DAB1: variants seen among roughly 807,000 people sequenced by gnomAD.
The protein encoded by DAB1 is disabled homolog 1.
A neutral mutation model predicts 64.6 loss-of-function variants in DAB1; 15 were observed. That is an observed-to-expected ratio of 0.23 (90% CI 0.16 to 0.36). The LOEUF (loss-of-function observed/expected upper bound fraction) is 0.36. Ranked by LOEUF, DAB1 falls within the 10% of genes least tolerant of loss-of-function variation. The pLI, the probability that DAB1 is intolerant of heterozygous loss-of-function variation, is 1.00. For missense variants in DAB1, 596 were observed against 706.7 expected, an observed-to-expected ratio of 0.84 and a Z score of 1.78; for synonymous variants, 235 against 251.9, an observed-to-expected ratio of 0.93 and a Z score of 0.64.
intron 7 of DAB1, among the ~76,000 whole-genome samples, chr1:57,480,141 A>G (rs1185681948): frequency 1.4e-5 from 2 of 144,780 alleles, no homozygotes; most frequent in African/African-American, 5.3e-5. Context: ...GACAGAGCGA[A>G]ACTCCGTCTC....
chr1:57,232,531 CT>C (rs1419934534), intron 2 of DAB1, among the ~76,000 whole-genome samples: 1 of 152,104 alleles, frequency 6.6e-6, no homozygotes, highest in Non-Finnish European at 1.5e-5. Flanking sequence ...CTCTAACACA[CT>C]TTTGAGCTCT....
At chr1:57,854,247 G>C (rs965463814) in intron 1 of DAB1, among the ~76,000 whole-genome samples, 1 of 152,054 alleles carries the variant, frequency 6.6e-6, no homozygotes, top group African/African-American at 2.4e-5. Context: ...TTTTAGCTCA[G>C]ATGAATAAAT....
At chr1:58,258,669 G>T (rs1416340) in intron 4 of DAB1, among the ~76,000 whole-genome samples, 17,862 of 152,262 alleles carry the variant, frequency 0.12, 1,286 homozygotes, top group Admixed American at 0.19. Context: ...AAAGACGAAG[G>T]TTTGGCAGTT....
Position 57,015,062 on chromosome 1 carries a change from T to C in DAB1, c.1265A>G (p.Gln422Arg). The C allele has an allele frequency of 1.9e-6, 3 of 1,614,182 alleles. No individual in the cohort carries two copies. The highest frequency in any genetic ancestry group is 2.5e-6 in the Non-Finnish European group (3 of 1,180,034). Residue 422 changes from glutamine (Q) to arginine (R), a missense_variant, in exon 12 of 15, where the codon CAG becomes CGG. Gln to Arg is a conservative substitution (Grantham distance 43, BLOSUM62 1). Coordinates refer to ENST00000371236, the MANE Select transcript of DAB1 (RefSeq NM_001365792.1). ...TTTGCGGGAGGGCACGGGCGGAGGC[T>C]GGGCCATCTGGAAATCCTTAAACGT... ...KETFKDFQMA[Q>R]PPPVPSRKPD... is the part of the protein sequence containing the mutation.
At chr1:58,131,877 C>T (rs1159555694) in intron 5 of DAB1, among the ~76,000 whole-genome samples, 2 of 150,098 alleles carry the variant, frequency 1.3e-5, no homozygotes, top group Non-Finnish European at 3.0e-5. Flanking sequence ...CAGACAGGGA[C>T]ATTTAAGTCT....
At chr1:57,910,399 G>C (rs1569972162) in intron 5 of DAB1, among the ~76,000 whole-genome samples, 2 of 152,206 alleles carry the variant, frequency 1.3e-5, no homozygotes, top group East Asian at 3.9e-4. Context: ...TTAATTATAG[G>C]TGTTTAGACG....
Position 57,562,083 on chromosome 1 carries a change from G to C in DAB1, n.625+87509C>G, listed in dbSNP as rs576494559. 2.6e-5 allele frequency among the ~76,000 whole-genome samples: 4 copies of C among 152,326 alleles called. No individual in the cohort carries two copies. The South Asian group carries it at 6.2e-4, about 24-fold the overall frequency. ...AGGCACTCACTTTATGGCAAAAGAA[G>C]TGTGGCAGGCCAGGTGCAGTGGCTC... On this transcript the variant is annotated intron_variant and non_coding_transcript_variant, in intron 7 of 20. Transcript: ENST00000485760.
At chr1:57,763,670 C>T (rs1359516973) in intron 6 of DAB1, among the ~76,000 whole-genome samples, 3 of 152,028 alleles carry the variant, frequency 2.0e-5, no homozygotes, top group Non-Finnish European at 4.4e-5. Flanking sequence ...AAAGCAAGAC[C>T]TTATCTCTTA....
chr1:58,219,025 C>CTCTCTCTCTCTCTGTG (rs376130413), intron 4 of DAB1, among the ~76,000 whole-genome samples: 1,321 of 129,484 alleles, frequency 0.01, 12 homozygotes, highest in African/African-American at 0.02. Flanking sequence ...CTCTCTCTCT[C>CTCTCTCTCTCTCTGTG]TGTGTGTGTG....
chr1:57,056,750 G>C (rs1459154672), intron 9 of DAB1, among the ~76,000 whole-genome samples: 1 of 151,982 alleles, frequency 6.6e-6, no homozygotes, highest in Non-Finnish European at 1.5e-5. Flanking sequence ...TGCAATCCCA[G>C]TTACTTGGGA....
At chr1:58,363,533 A>T (rs1644186625) in intron 3 of DAB1, among the ~76,000 whole-genome samples, 1 of 152,228 alleles carries the variant, frequency 6.6e-6, no homozygotes, top group Non-Finnish European at 1.5e-5. Context: ...AAGGAAGTTG[A>T]TCAGTGCGAG....
intron 7 of DAB1, among the ~76,000 whole-genome samples, chr1:57,465,395 T>C (rs1227400745): frequency 3.9e-5 from 6 of 152,220 alleles, no homozygotes; most frequent in African/African-American, 1.4e-4. Flanking sequence ...CCTTCTGTGG[T>C]AGCACATACA....
intron 12 of DAB1, among the ~76,000 whole-genome samples, chr1:57,013,380 G>A (rs774413984): frequency 3.3e-5 from 5 of 152,128 alleles, no homozygotes; most frequent in African/African-American, 1.2e-4. Flanking sequence ...AAAGAGAGAT[G>A]TTTGTTTTTA....
At chr1:57,908,046 C>T (rs1288764029) in intron 5 of DAB1, among the ~76,000 whole-genome samples, 1 of 152,036 alleles carries the variant, frequency 6.6e-6, no homozygotes, top group Admixed American at 6.5e-5. Flanking sequence ...TCTATAGATG[C>T]TCTGTTATAA....
intron 6 of DAB1, among the ~76,000 whole-genome samples, chr1:57,742,925 C>T (rs1648071127): frequency 6.6e-6 from 1 of 152,228 alleles, no homozygotes; most frequent in Admixed American, 6.5e-5. Context: ...AGTTAATACC[C>T]AAAGTATGCC....
intron 3 of DAB1, among the ~76,000 whole-genome samples, chr1:58,411,339 C>T (rs927798597): frequency 6.6e-6 from 1 of 152,208 alleles, no homozygotes; most frequent in Non-Finnish European, 1.5e-5. Context: ...AGCACATACC[C>T]TTTCTGTGGC....
chr1:58,385,117 CAA>C (rs1159772643), intron 3 of DAB1, among the ~76,000 whole-genome samples: 2 of 152,110 alleles, frequency 1.3e-5, no homozygotes, highest in Non-Finnish European at 2.9e-5. Context: ...CAACAAAAAA[CAA>C]AGAGACATAA....
intron 4 of DAB1, among the ~76,000 whole-genome samples, chr1:58,267,348 A>T (rs1569583255): frequency 1.3e-5 from 2 of 152,224 alleles, no homozygotes; most frequent in South Asian, 4.1e-4. Flanking sequence ...AAAAAGTGTC[A>T]CCGGGGTTCT....
intron 7 of DAB1, among the ~76,000 whole-genome samples, chr1:57,468,470 G>T (rs1049818272): frequency 6.6e-6 from 1 of 152,120 alleles, no homozygotes; most frequent in African/African-American, 2.4e-5. Flanking sequence ...TGAGCAATAG[G>T]GAGCTACTAT....
Sources: gnomAD v4.1 joint callset for allele counts (sites outside exome capture counted in the v4.1 genomes callset) on GRCh38, gnomAD v4.1.1 for gene constraint, MANE v1.5 for transcripts, NCBI Gene and HGNC (gene_info 2026-07-23, HGNC 2026-07-21) for gene names.